HS6ST3: variants seen among roughly 807,000 people sequenced by gnomAD.
HS6ST3 encodes the protein heparan-sulfate 6-O-sulfotransferase 3.
In HS6ST3, 12 loss-of-function variants were observed where a neutral mutation model predicts 36.7. The observed-to-expected ratio is 0.33, with a 90% CI of 0.21 to 0.53. The LOEUF is 0.53. Ranked by LOEUF, HS6ST3 falls within the 20% of genes least tolerant of loss-of-function variation. HS6ST3 has a pLI of 0.95. For missense variants in HS6ST3, 584 were observed against 640.9 expected (o/e 0.91, Z 0.96); for synonymous variants, 240 against 257.5 (o/e 0.93, Z 0.65).
In HS6ST3 at chr13:96,258,160, G is replaced by A. The variant is rs142018124; in HGVS notation, c.707+166591G>A. Among the ~76,000 whole-genome samples, 521 of 152,268 alleles carry A rather than the reference G, an allele frequency of 3.4e-3. 5 individuals are homozygous for A. The highest frequency in any genetic ancestry group is 0.012 in the African/African-American group (495 of 41,558). On this transcript the variant is annotated intron_variant, in intron 1 of 1. Coordinates refer to ENST00000376705, the MANE Select transcript of HS6ST3 (RefSeq NM_153456.4). ...TCTTTATTGAAGTCTGGATGAGACCGAAGTGGATTTAGTATGTCTATTGTT... is the reference window on the plus strand; with the variant it reads ...TCTTTATTGAAGTCTGGATGAGACCAAAGTGGATTTAGTATGTCTATTGTT...
At chr13:96,366,527 T>C (rs2055263963) in intron 1 of HS6ST3, among the ~76,000 whole-genome samples, 1 of 152,132 alleles carries the variant, frequency 6.6e-6, no homozygotes, top group Non-Finnish European at 1.5e-5. Flanking sequence ...TCAAGGCCCA[T>C]GCACAGAAAT....
chr13:96,402,719 G>A (rs1219866030), intron 1 of HS6ST3, among the ~76,000 whole-genome samples: 2 of 152,096 alleles, frequency 1.3e-5, no homozygotes, highest in African/African-American at 4.8e-5. Flanking sequence ...ATATATTTTC[G>A]ACATTCACTC....
chr13:96,618,773 C>G (rs1436661913), intron 1 of HS6ST3, among the ~76,000 whole-genome samples: 1 of 152,176 alleles, frequency 6.6e-6, no homozygotes, highest in Non-Finnish European at 1.5e-5. Context: ...AAGCCTTGAA[C>G]TGTATACTAG....
At chr13:96,110,072 C>T (rs773637076) in intron 1 of HS6ST3, among the ~76,000 whole-genome samples, 10 of 152,078 alleles carry the variant, frequency 6.6e-5, no homozygotes, top group Non-Finnish European at 1.3e-4. Flanking sequence ...TAAAGGAATA[C>T]GTGAGGCTGG....
chr13:96,486,768 A>G (rs777990871), intron 1 of HS6ST3, among the ~76,000 whole-genome samples: 7 of 152,228 alleles, frequency 4.6e-5, no homozygotes, highest in South Asian at 2.1e-4. Flanking sequence ...GATTGGAGGT[A>G]TAGCACGATT....
chr13:96,288,170 T>C (rs1232122565), intron 1 of HS6ST3, among the ~76,000 whole-genome samples: 2 of 152,176 alleles, frequency 1.3e-5, no homozygotes, highest in Non-Finnish European at 2.9e-5. Flanking sequence ...CACATAAGTT[T>C]GAGAGTCACT....
At chr13:96,735,603 T>C (rs1007103026) in intron 1 of HS6ST3, among the ~76,000 whole-genome samples, 6 of 152,192 alleles carry the variant, frequency 3.9e-5, no homozygotes, top group Non-Finnish European at 8.8e-5. Flanking sequence ...ATTCCTGCAA[T>C]TCAAGAGTTG....
intron 1 of HS6ST3, among the ~76,000 whole-genome samples, chr13:96,499,217 G>C (rs913864487): frequency 2.6e-5 from 4 of 151,920 alleles, no homozygotes; most frequent in Non-Finnish European, 4.4e-5. Flanking sequence ...GCAGAGACAG[G>C]GTTTCACCAT....
chr13:96,523,994 T>A (rs1302376406), intron 1 of HS6ST3, among the ~76,000 whole-genome samples: 2 of 152,180 alleles, frequency 1.3e-5, no homozygotes, highest in African/African-American at 4.8e-5. Context: ...ATCTTTGTGG[T>A]TTTATCTACC....
rs539773350 is a variant in HS6ST3, at chr13:96,489,231, A to G, written c.708-343259A>G. On this transcript the variant is annotated intron_variant, in intron 1 of 1. Coordinates refer to ENST00000376705, the MANE Select transcript of HS6ST3 (RefSeq NM_153456.4). ...TAACATTATATTTTTAACTTTTACC[A>G]AGGCTTCTTATAGCAAAATGATTAC... Among the ~76,000 whole-genome samples, 5 of 152,098 alleles carry G rather than the reference A, an allele frequency of 3.3e-5. No homozygotes were observed. In the South Asian group the frequency reaches 1.0e-3, roughly 32 times the overall value.
At chr13:96,255,895 C>T (rs1468839725) in intron 1 of HS6ST3, among the ~76,000 whole-genome samples, 1 of 152,048 alleles carries the variant, frequency 6.6e-6, no homozygotes, top group Non-Finnish European at 1.5e-5. Context: ...AATGTTTGAC[C>T]CTAGTTCTGT....
At chr13:96,368,223 C>T (rs545371725) in intron 1 of HS6ST3, among the ~76,000 whole-genome samples, 2 of 152,228 alleles carry the variant, frequency 1.3e-5, no homozygotes, top group South Asian at 2.1e-4. Flanking sequence ...ACCTATTACC[C>T]ATCCAAAAGT....
chr13:96,144,810 A>G (rs1356900311), intron 1 of HS6ST3, among the ~76,000 whole-genome samples: 1 of 57,226 alleles, frequency 1.7e-5, no homozygotes, highest in Non-Finnish European at 3.1e-5. Context: ...CCCCCACCAC[A>G]CAACAGGCCC....
At chr13:96,509,742 G>A (rs570863566) in intron 1 of HS6ST3, among the ~76,000 whole-genome samples, 2 of 152,116 alleles carry the variant, frequency 1.3e-5, no homozygotes, top group South Asian at 2.1e-4. Flanking sequence ...TTTTAGTAAC[G>A]GTAGCCATGT....
chr13:96,091,005 C>G lies in HS6ST3; in HGVS notation c.143C>G (p.Pro48Arg). The G allele has an allele frequency of 7.7e-7, 1 of 1,294,800 alleles. No individual in the cohort carries two copies. The highest frequency in any genetic ancestry group is 9.8e-7 in the Non-Finnish European group (1 of 1,016,714). The allele number at this position is 1,294,800 out of a possible 1,614,324, so 80.2% of individuals were successfully genotyped here. A position where few individuals can be genotyped will look rare whatever the true frequency, so the allele number is the denominator to read the frequency against. ...CAGCCCCGCGCGGGGGAGGCCGGCC[C>G]GCCCGCCGTCCCGGGTCCCGCCCGC... is the stretch of plus-strand genomic sequence containing the variant. ...GEQPRAGEAGPPAVPGPARRA... is the reference protein window; with the variant it reads ...GEQPRAGEAGRPAVPGPARRA... The change falls in exon 1 of 2, where the codon CCG (proline) becomes CGG (arginine). Residue 48 changes from proline to arginine, a missense_variant. Physicochemically the swap from Pro to Arg is moderately radical, Grantham distance 103. Around this residue, in one of 3 missense-constraint regions of HS6ST3, gnomAD observed 217 missense variants for 205.4 expected, o/e 1.06. Coordinates refer to ENST00000376705, the MANE Select transcript of HS6ST3 (RefSeq NM_153456.4).
At chr13:96,824,388 A>AT (rs1878606536) in intron 1 of HS6ST3, among the ~76,000 whole-genome samples, 1 of 152,220 alleles carries the variant, frequency 6.6e-6, no homozygotes, top group African/African-American at 2.4e-5. Flanking sequence ...AAAGCTCTTT[A>AT]TTATGATACT....
chr13:96,785,066 G>C (rs1877614302), intron 1 of HS6ST3, among the ~76,000 whole-genome samples: 1 of 152,132 alleles, frequency 6.6e-6, no homozygotes, highest in South Asian at 2.1e-4. Flanking sequence ...CTACTAGAGA[G>C]ACTGAGGTGG....
At chr13:96,094,188 G>A (rs2053778846) in intron 1 of HS6ST3, among the ~76,000 whole-genome samples, 1 of 152,102 alleles carries the variant, frequency 6.6e-6, no homozygotes, top group African/African-American at 2.4e-5. Flanking sequence ...TTAAAGTGTA[G>A]ATAATAATTA....
intron 1 of HS6ST3, among the ~76,000 whole-genome samples, chr13:96,132,699 C>T (rs928150676): frequency 6.6e-6 from 1 of 152,118 alleles, no homozygotes; most frequent in African/African-American, 2.4e-5. Flanking sequence ...AGCCACTGCA[C>T]CCCCCAGCTA....
Sources: allele counts gnomAD v4.1 joint callset (sites outside exome capture counted in the v4.1 genomes callset), GRCh38; gene constraint gnomAD v4.1.1; regional missense constraint gnomAD v4.1.1; transcripts MANE v1.5; gene names NCBI Gene and HGNC (gene_info 2026-07-23, HGNC 2026-07-21).